ANAPC15: variants seen among roughly 807,000 people sequenced by gnomAD.
The protein encoded by ANAPC15 is anaphase-promoting complex subunit 15.
A neutral mutation model predicts 19.8 loss-of-function variants in ANAPC15; 13 were observed. The ratio of observed to expected loss-of-function variants is 0.66; its 90% CI spans 0.43 to 1.04. ANAPC15 has a LOEUF of 1.04. Ranked by LOEUF, ANAPC15 falls within the 50% of genes least tolerant of loss-of-function variation. The probability of loss-of-function intolerance (pLI) is 0.00; values close to 1 mark genes in which losing one functional copy is unlikely to be tolerated. For missense variants in ANAPC15, 88 were observed against 150.3 expected (o/e 0.59, Z 2.17); for synonymous variants, 45 against 50.7 (o/e 0.89, Z 0.47).
intron 3 of ANAPC15, 27 bp from the exon 4 acceptor site, chr11:72,110,630 G>A (rs896403111): frequency 3.1e-6 from 5 of 1,614,112 alleles, no homozygotes; most frequent in Non-Finnish European, 3.4e-6. Context: ...AGAGGAACAA[G>A]GCCAGAGCCC....
At chr11:72,108,214 C>A, downstream of ANAPC15, 1 of 1,125,360 alleles carries the variant, frequency 8.9e-7, no homozygotes, top group Non-Finnish European at 1.2e-6. Context: ...GAGAAGGAAG[C>A]ACCTCCACTC....
chr11:72,108,566 TC>T, downstream of ANAPC15: 1 of 1,425,732 alleles, frequency 7.0e-7, no homozygotes. Context: ...GGAGAACAAT[TC>T]CCCCCACCCT....
upstream of ANAPC15, chr11:72,112,731 C>T (rs1329837962): frequency 2.2e-6 from 1 of 456,694 alleles, no homozygotes; most frequent in East Asian, 6.9e-5. Flanking sequence ...ATCCGGGACT[C>T]ACCAAACGCA....
chr11:72,107,532 T>C (rs1171499060), downstream of ANAPC15: 8 of 702,806 alleles, frequency 1.1e-5, no homozygotes, highest in Admixed American at 2.0e-5. Context: ...ATGAGACAGC[T>C]TGATGGATTC....
At chr11:72,110,343 C>A in intron 4 of ANAPC15, 118 bp from the exon 5 acceptor site, 1 of 1,574,784 alleles carries the variant, frequency 6.4e-7, no homozygotes, top group Non-Finnish European at 8.6e-7. Flanking sequence ...ACACTCCCTC[C>A]TTGAGTCTAG....
chr11:72,109,019 C>T (rs1946048714), downstream of ANAPC15: 3 of 1,132,936 alleles, frequency 2.6e-6, no homozygotes, highest in Admixed American at 2.6e-5. Flanking sequence ...GGGGCCTTGA[C>T]ACACGCTGGG....
Position 72,110,137 on chromosome 11 carries a change from T to C in ANAPC15, c.269A>G (p.Asp90Gly), listed in dbSNP as rs1403460092. Residue 90 changes from aspartate to glycine, a missense_variant, in exon 5 of 6, where the codon GAC (aspartate) becomes GGC (glycine). Asp to Gly is a moderately conservative substitution (Grantham distance 94, BLOSUM62 -1). Transcript: ENST00000227618. ...TGACTCATTGTAGTCATTCATCTCG[T>C]CCATGTCCTGCATATCCTCATCATC... ...SEDDEDMQDM[D>G]EMNDYNESPD... 2.5e-6 allele frequency: 4 copies of C among 1,614,086 alleles called. No homozygotes were observed. Among genetic ancestry groups the C allele is most frequent in the Non-Finnish European group, 3.4e-6 (4 of 1,180,042 alleles).
At chr11:72,112,594 G>A (rs1947317164) in intron 1 of ANAPC15, 56 bp downstream of exon 1, 2 of 449,688 alleles carry the variant, frequency 4.4e-6, no homozygotes, top group Non-Finnish European at 8.9e-6. Flanking sequence ...GGTTTCTCTG[G>A]GGGAAAAAGG....
intron 4 of ANAPC15, 101 bp from the exon 5 acceptor site, chr11:72,110,326 T>A: frequency 1.3e-6 from 2 of 1,585,956 alleles, no homozygotes; most frequent in Non-Finnish European, 1.7e-6. Context: ...AATGACCCCC[T>A]ACCCCGACAC....
At chr11:72,111,017 T>C in intron 3 of ANAPC15, 140 bp downstream of exon 3, 1 of 678,004 alleles carries the variant, frequency 1.5e-6, no homozygotes, top group Admixed American at 2.7e-5. Flanking sequence ...CTTGGCTCCC[T>C]GGCTCCCAGC....
Position 72,111,192 on chromosome 11 carries a change from CTG to C in ANAPC15, c.83_84del (p.Thr28ArgfsTer35). The C allele has an allele frequency of 6.2e-7, 1 of 1,613,334 alleles. No homozygotes were observed. The highest frequency in any genetic ancestry group is 1.7e-5 in the Admixed American group (1 of 60,022). The stretch of plus-strand genomic sequence containing the variant: ...TGCTGCTGTTCCTGCTGCTGCAGCT[CTG>C]TCTCTTCCACACAGGGTCGATCCAG... ...FNLDRPCVEE[T>X]ELQQQEQQHQ... On this transcript the variant is annotated frameshift_variant, in exon 3 of 6. Coordinates refer to ENST00000227618, the MANE Select transcript of ANAPC15 (RefSeq NM_014042.3). LOFTEE classifies it high-confidence loss of function.
At position 72,110,453 on chromosome 11, in the gene ANAPC15, G is replaced by T; in HGVS notation, c.180+91C>A. ...TTACCCAGATCTGAGAACCACAACT[G>T]CTCTGGGTCAGAGACAGGACATTCA... On this transcript the variant is annotated intron_variant, in intron 4 of 5. Coordinates refer to ENST00000227618, the MANE Select transcript of ANAPC15 (RefSeq NM_014042.3). 6 of 1,577,624 alleles carry T rather than the reference G, an allele frequency of 3.8e-6. No homozygotes were observed. The South Asian group carries it at 6.8e-5, about 18-fold the overall frequency.
chr11:72,109,254 C>A, downstream of ANAPC15: 1 of 467,304 alleles, frequency 2.1e-6, no homozygotes, highest in Admixed American at 2.9e-5. Flanking sequence ...AATCTTCTCT[C>A]TTAACACGAA....
At chr11:72,112,701 G>A (rs748691739), upstream of ANAPC15, 2 of 456,708 alleles carry the variant, frequency 4.4e-6, no homozygotes, top group African/African-American at 2.0e-5. Context: ...CACCCAGCCT[G>A]AGCGGAAGAA....
chr11:72,112,541 A>T (rs1175037315), intron 1 of ANAPC15, 109 bp downstream of exon 1: 1 of 389,326 alleles, frequency 2.6e-6, no homozygotes, highest in African/African-American at 2.1e-5. Flanking sequence ...AGGGTTAAGG[A>T]CTCTCAATAT....
At chr11:72,107,579 A>G (rs1434318918), downstream of ANAPC15, 1 of 700,032 alleles carries the variant, frequency 1.4e-6, no homozygotes, top group Admixed American at 2.0e-5. Flanking sequence ...GATACAGGCC[A>G]CAGGTGGGAA....
At chr11:72,107,944 T>C (rs200149461), downstream of ANAPC15, 8 of 1,551,282 alleles carry the variant, frequency 5.2e-6, no homozygotes, top group Non-Finnish European at 5.2e-6. Flanking sequence ...ATGCGGCTGG[T>C]GGAGGAGAAG....
chr11:72,109,406 G>C (rs1946115895), downstream of ANAPC15: 1 of 457,444 alleles, frequency 2.2e-6, no homozygotes. Flanking sequence ...GATGCAAGCT[G>C]GGCCAGAGAA....
chr11:72,110,447 A>G, intron 4 of ANAPC15, 97 bp downstream of exon 4: 2 of 1,566,518 alleles, frequency 1.3e-6, no homozygotes, highest in Admixed American at 3.5e-5. Flanking sequence ...TCTGAGAACC[A>G]CAACTGCTCT....
Sources: gnomAD v4.1 joint callset for allele counts on GRCh38, gnomAD v4.1.1 for gene constraint, MANE v1.5 for transcripts, NCBI Gene and HGNC (gene_info 2026-07-23, HGNC 2026-07-21) for gene names.